Variants in DYNC2H1 observed in about 807,000 individuals in gnomAD.
DYNC2H1 encodes the protein dynein cytoplasmic 2 heavy chain 1.
In DYNC2H1, 410 loss-of-function variants were observed where a neutral mutation model predicts 570.0. The ratio of observed to expected loss-of-function variants is 0.72; its 90% CI spans 0.66 to 0.78. The LOEUF is 0.78. Ranked by LOEUF, DYNC2H1 falls within the 30% of genes least tolerant of loss-of-function variation. The pLI is 0.00. For synonymous variants in DYNC2H1, 1,688 were observed against 1,677.6 expected (o/e 1.01, Z -0.15); for missense variants, 4,865 against 5,046.4 (o/e 0.96, Z 1.09).
At chr11:103,136,091 C>G (rs2134782638) in intron 17 of DYNC2H1, 143 bp downstream of exon 17, 2 of 613,080 alleles carry the variant, frequency 3.3e-6, no homozygotes, top group Admixed American at 8.1e-5. Context: ...TTCGTAGATA[C>G]TTATACAACC....
At position 103,157,610 on chromosome 11, in the gene DYNC2H1, A is replaced by C. The variant is rs181792707; in HGVS notation, c.4127+840A>C. On this transcript the variant is annotated intron_variant, in intron 26 of 88. Coordinates refer to ENST00000375735, the MANE Select transcript of DYNC2H1 (RefSeq NM_001377.3). This position sits in a 1 kb window ranked among gnomAD's most constrained non-coding sequence, Gnocchi z 4.2. Reference sequence around the variant, plus strand: ...TATATCTTGAGCCAAATACCTGTACAGAAGTATATCTGTACTTCTATTCTA... The same window carrying C: ...TATATCTTGAGCCAAATACCTGTACCGAAGTATATCTGTACTTCTATTCTA... Among the ~76,000 whole-genome samples, 2 of 152,346 alleles carry C rather than the reference A, an allele frequency of 1.3e-5. No homozygotes were observed. Among genetic ancestry groups the C allele is most frequent in the East Asian group, 3.9e-4 (2 of 5,186 alleles).
At chr11:103,125,912 G>A (rs1434051565) in intron 12 of DYNC2H1, among the ~76,000 whole-genome samples, 1 of 152,142 alleles carries the variant, frequency 6.6e-6, no homozygotes. Context: ...TCTGTTCTCT[G>A]ATTGGAAAAC....
Position 103,280,258 on chromosome 11 carries a change from A to C in DYNC2H1, c.10696-90A>C. 1.6e-6 allele frequency: 2 copies of C among 1,258,878 alleles called. No homozygotes were observed. The highest frequency in any genetic ancestry group is 2.3e-6 in the Non-Finnish European group (2 of 887,008). The allele number at this position is 1,258,878 out of a possible 1,614,324, so 78.0% of individuals were successfully genotyped here. On this transcript the variant is annotated intron_variant, in intron 70 of 88. Transcript: ENST00000375735. The surrounding 1 kb of genome is among the most constrained non-coding windows in gnomAD (Gnocchi z 4.7). Reference sequence around the variant, plus strand: ...AAAGTAGGTCATATGAAGACAGAATAGAGATTTTTGTGTGCCAAATTTTAA... The same window carrying C: ...AAAGTAGGTCATATGAAGACAGAATCGAGATTTTTGTGTGCCAAATTTTAA...
At chr11:103,221,398 C>T (rs1417136818) in intron 57 of DYNC2H1, among the ~76,000 whole-genome samples, 1 of 152,086 alleles carries the variant, frequency 6.6e-6, no homozygotes, top group African/African-American at 2.4e-5. Flanking sequence ...CTTTAAGTTA[C>T]CTTAAAAGGA....
At chr11:103,231,209 T>C in intron 59 of DYNC2H1, 51 bp from the exon 60 acceptor site, 1 of 1,143,872 alleles carries the variant, frequency 8.7e-7, no homozygotes, top group Non-Finnish European at 1.3e-6. Flanking sequence ...TGCTGCTTTA[T>C]AGTTGATATC....
chr11:103,332,254 A>C (rs1004917455), intron 82 of DYNC2H1, among the ~76,000 whole-genome samples: 1 of 151,760 alleles, frequency 6.6e-6, no homozygotes, highest in East Asian at 1.9e-4. Flanking sequence ...GAATCAGTGA[A>C]ATTGAAGATA....
rs186075609 is a variant in DYNC2H1, at chr11:103,200,418, G to T, written c.8197+264G>T. Reference sequence around the variant, plus strand: ...TTGACTTTTACATATACTTTTGCTGGGTTATTATCTGTTATAACCTTTGGG... The same window carrying T: ...TTGACTTTTACATATACTTTTGCTGTGTTATTATCTGTTATAACCTTTGGG... On this transcript the variant is annotated intron_variant, in intron 50 of 88. Transcript: ENST00000375735. Among the ~76,000 whole-genome samples the T allele has an allele frequency of 1.6e-3, 246 of 152,050 alleles. 2 individuals are homozygous for T. Among genetic ancestry groups the T allele is most frequent in the Non-Finnish European group, 2.9e-3 (199 of 67,998 alleles).
chr11:103,451,582 CA>C lies in DYNC2H1; in HGVS notation c.12457-3603del, dbSNP rs965587207. Among the ~76,000 whole-genome samples, 58 of 152,230 alleles carry C rather than the reference CA, an allele frequency of 3.8e-4. 1 individual carries two copies. Among genetic ancestry groups the C allele is most frequent in the African/African-American group, 1.4e-3 (57 of 41,524 alleles). On this transcript the variant is annotated intron_variant, in intron 85 of 88. Transcript: ENST00000375735. ...TCTTGACCTCACGATCCCCAAACCT[CA>C]GCTTCCCAAAGTGCTGGGATTACAG...
At chr11:103,323,424 G>T (rs1288157748) in intron 81 of DYNC2H1, among the ~76,000 whole-genome samples, 2 of 120,802 alleles carry the variant, frequency 1.7e-5, no homozygotes, top group South Asian at 2.6e-4. Context: ...CGTTTACAAG[G>T]TTTCTCTAAG....
In DYNC2H1 at chr11:103,199,764, C is replaced by G. The variant is rs1862644063; in HGVS notation, c.8089-282C>G. Among the ~76,000 whole-genome samples the G allele has an allele frequency of 6.6e-6, 1 of 151,806 alleles. No individual in the cohort carries two copies. Among genetic ancestry groups the G allele is most frequent in the Non-Finnish European group, 1.5e-5 (1 of 67,944 alleles). On this transcript the variant is annotated intron_variant, in intron 49 of 88. Transcript: ENST00000375735. This position sits in a 1 kb window ranked among gnomAD's most constrained non-coding sequence, Gnocchi z 4.6. ...ATGTTAGACAGACATGAATGGTAAA[C>G]AGAAGGATGGAATTTACATAGGAAA...
At chr11:103,427,371 T>TA (rs1943709277) in intron 84 of DYNC2H1, among the ~76,000 whole-genome samples, 1 of 152,182 alleles carries the variant, frequency 6.6e-6, no homozygotes, top group Admixed American at 6.6e-5. Flanking sequence ...GATTATCATT[T>TA]TACTTGCTGA....
intron 70 of DYNC2H1, among the ~76,000 whole-genome samples, chr11:103,273,161 T>C (rs975746402): frequency 1.3e-5 from 2 of 151,556 alleles, no homozygotes; most frequent in Non-Finnish European, 2.9e-5. Context: ...TTCTTTTTCT[T>C]TTCTCTTCTC....
chr11:103,403,228 G>A (rs1051217999), intron 84 of DYNC2H1: 2 of 152,056 alleles, frequency 1.3e-5, no homozygotes, highest in South Asian at 4.2e-4. Context: ...AGAAATGTTG[G>A]GGTAATAAAA....
rs1034000433 is a variant in DYNC2H1 at position 103,382,130 on chromosome 11, T to C, written c.12157-17533T>C. On this transcript the variant is annotated intron_variant, in intron 83 of 88. Coordinates refer to ENST00000375735, the MANE Select transcript of DYNC2H1 (RefSeq NM_001377.3). ...CCCAGCAATTTTTAATACCTGTTGA[T>C]GGTGATAACTATTGAGAATTACTGA... 3.3e-5 allele frequency among the ~76,000 whole-genome samples: 5 copies of C among 152,094 alleles called. No individual in the cohort carries two copies. In the East Asian group the frequency reaches 5.8e-4, roughly 18 times the overall value.
chr11:103,169,223 C>T (rs1345004654), intron 32 of DYNC2H1, among the ~76,000 whole-genome samples: 2 of 152,014 alleles, frequency 1.3e-5, no homozygotes, highest in African/African-American at 4.8e-5. Context: ...CATTTATATA[C>T]AATTTGAAAT....
rs1217388699 is a variant in DYNC2H1, at chr11:103,363,232, T to C, written c.12156+4873T>C. On this transcript the variant is annotated intron_variant, in intron 83 of 88. Coordinates refer to ENST00000375735, the MANE Select transcript of DYNC2H1 (RefSeq NM_001377.3). This position sits in a 1 kb window ranked among gnomAD's most constrained non-coding sequence, Gnocchi z 5.6. ...AAATGTGCAAGAATACTTTAATTAT[T>C]TTGAAGTAGTTTTCTCCAAAACTCA... is the stretch of plus-strand genomic sequence containing the variant. Among the ~76,000 whole-genome samples the C allele has an allele frequency of 6.6e-6, 1 of 152,070 alleles. No individual in the cohort carries two copies. Among genetic ancestry groups the C allele is most frequent in the Non-Finnish European group, 1.5e-5 (1 of 68,014 alleles).
In DYNC2H1 at chr11:103,151,576, A is replaced by G. The variant is rs533278703; in HGVS notation, c.2947-560A>G. ...CCAGCAGTTTAGCACCCATTGACCT[A>G]CACCCAAACTGTTTAACAAACTGTT... On this transcript the variant is annotated intron_variant, in intron 20 of 88. Coordinates refer to ENST00000375735, the MANE Select transcript of DYNC2H1 (RefSeq NM_001377.3). The surrounding 1 kb of genome is among the most constrained non-coding windows in gnomAD (Gnocchi z 4.6). 6.6e-6 allele frequency among the ~76,000 whole-genome samples: 1 copy of G among 152,336 alleles called. No individual in the cohort carries two copies. The highest frequency in any genetic ancestry group is 2.1e-4 in the South Asian group (1 of 4,834).
chr11:103,253,182 C>T (rs953788656), intron 65 of DYNC2H1, 103 bp from the exon 66 acceptor site: 73 of 1,233,504 alleles, frequency 5.9e-5, no homozygotes, highest in African/African-American at 3.4e-4. Flanking sequence ...TAGACTCTGT[C>T]GAAAAGCCTA....
Position 103,369,804 on chromosome 11 carries a change from C to T in DYNC2H1, c.12156+11445C>T, listed in dbSNP as rs1405052571. Among the ~76,000 whole-genome samples the T allele has an allele frequency of 6.6e-6, 1 of 152,176 alleles. No homozygotes were observed. The highest frequency in any genetic ancestry group is 1.5e-5 in the Non-Finnish European group (1 of 68,044). On this transcript the variant is annotated intron_variant, in intron 83 of 88. Transcript: ENST00000375735. This position sits in a 1 kb window ranked among gnomAD's most constrained non-coding sequence, Gnocchi z 4.0. ...GAAGATCCCTTGTGCCCTGCATAAC[C>T]AGCAGCAATACCCACGTGTACTACA...
Sources: allele counts gnomAD v4.1 joint callset (sites outside exome capture counted in the v4.1 genomes callset), GRCh38; gene constraint gnomAD v4.1.1; non-coding constraint Gnocchi (gnomAD v3.1); transcripts MANE v1.5; gene names NCBI Gene and HGNC (gene_info 2026-07-23, HGNC 2026-07-21).